Variants in SFMBT2 observed in about 807,000 individuals in gnomAD.
SFMBT2 encodes the protein Scm like with four mbt domains 2, also known as scm-like with four MBT domains protein 2.
A neutral mutation model predicts 110.1 loss-of-function variants in SFMBT2; 38 were observed. The observed-to-expected ratio is 0.35, with a 90% CI of 0.27 to 0.45. The LOEUF (loss-of-function observed/expected upper bound fraction) is 0.45. Among genes scored for constraint, SFMBT2 ranks in the 20% least tolerant of loss-of-function variants. The pLI is 1.00. For synonymous variants in SFMBT2, 425 were observed against 425.4 expected, an observed-to-expected ratio of 1.00 and a Z score of 0.01; for missense variants, 1,011 against 1,094.9, an observed-to-expected ratio of 0.92 and a Z score of 1.08.
chr10:7,381,274 T>C (rs1845414612), intron 2 of SFMBT2, among the ~76,000 whole-genome samples: 1 of 152,196 alleles, frequency 6.6e-6, no homozygotes, highest in Non-Finnish European at 1.5e-5. Flanking sequence ...AGATGCTGTA[T>C]CATCGGCATC....
rs1418228475 is a variant in SFMBT2 at position 7,408,591 on chromosome 10, C to G, written c.-52+2270G>C. On this transcript the variant is annotated intron_variant, in intron 1 of 20. Coordinates refer to ENST00000397167, the MANE Select transcript of SFMBT2 (RefSeq NM_001387889.1). This position sits in a 1 kb window ranked among gnomAD's most constrained non-coding sequence, Gnocchi z 5.7. The stretch of plus-strand genomic sequence containing the variant: ...AGCCCCGGGGACCGTGCGCGGCCTC[C>G]GTGTGGCCCCCGCCCACGAGGTCCC... The G allele has an allele frequency of 6.6e-6, 1 of 152,148 alleles. No homozygotes were observed. 9.4% of individuals were successfully genotyped at this position (152,148 alleles called of 1,614,324 possible).
intron 9 of SFMBT2, among the ~76,000 whole-genome samples, chr10:7,238,105 A>C (rs929723658): frequency 3.9e-5 from 6 of 152,172 alleles, no homozygotes; most frequent in Non-Finnish European, 8.8e-5. Context: ...AAGGCACTGG[A>C]CAGTCTGAGC....
At chr10:7,275,933 G>A (rs1007659297) in intron 7 of SFMBT2, among the ~76,000 whole-genome samples, 2 of 152,212 alleles carry the variant, frequency 1.3e-5, no homozygotes, top group African/African-American at 2.4e-5. Flanking sequence ...CCACCCCAGG[G>A]CTGGGAAGCA....
chr10:7,257,332 C>T (rs941217297), intron 7 of SFMBT2, among the ~76,000 whole-genome samples: 24 of 152,232 alleles, frequency 1.6e-4, no homozygotes, highest in African/African-American at 5.8e-4. Flanking sequence ...GGTCACCCAC[C>T]ACTTTCAACA....
chr10:7,172,759 G>A lies in SFMBT2; in HGVS notation c.1985-98C>T. On this transcript the variant is annotated intron_variant, in intron 17 of 20. Transcript: ENST00000397167. The surrounding 1 kb of genome is among the most constrained non-coding windows in gnomAD (Gnocchi z 4.6). ...AAGAAGGGAAACGATTCTTTCATCT[G>A]ATAGTTCATTTGTGCCTTACGAAGT... is the stretch of plus-strand genomic sequence containing the variant. The A allele has an allele frequency of 7.2e-7, 1 of 1,386,992 alleles. No homozygotes were observed. Among genetic ancestry groups the A allele is most frequent in the Non-Finnish European group, 9.8e-7 (1 of 1,024,216 alleles). The allele number at this position is 1,386,992 out of a possible 1,614,324, so 85.9% of individuals were successfully genotyped here.
chr10:7,324,961 CTTTTT>C (rs869253757), intron 4 of SFMBT2, among the ~76,000 whole-genome samples: 1 of 92,140 alleles, frequency 1.1e-5, no homozygotes, highest in Middle Eastern at 0.01. Context: ...AGAGGCCCCA[CTTTTT>C]TTTTTTTTTT....
chr10:7,390,874 A>G (rs922484830), intron 1 of SFMBT2, among the ~76,000 whole-genome samples: 7 of 152,166 alleles, frequency 4.6e-5, no homozygotes, highest in African/African-American at 1.7e-4. Flanking sequence ...CTGAAGCAGA[A>G]GGATCACCTG....
chr10:7,340,166 C>A (rs564590808), intron 4 of SFMBT2, among the ~76,000 whole-genome samples: 8 of 152,220 alleles, frequency 5.3e-5, no homozygotes, highest in South Asian at 4.1e-4. Context: ...TTCTTACCAA[C>A]AAGTAAGCTA....
Position 7,342,396 on chromosome 10 carries a change from C to CTTTTTTTTTTTT in SFMBT2, c.436+25241_436+25252dup, listed in dbSNP as rs71382101. 4.9e-4 allele frequency among the ~76,000 whole-genome samples: 34 copies of CTTTTTTTTTTTT among 69,662 alleles called. 5 individuals are homozygous for CTTTTTTTTTTTT. The highest frequency in any genetic ancestry group is 7.2e-4 in the Non-Finnish European group (26 of 36,204). 45.7% of individuals were successfully genotyped at this position (69,662 alleles called of 152,430 possible). On this transcript the variant is annotated intron_variant, in intron 4 of 20. Transcript: ENST00000397167. ...ATTTAGGAATTGCACTGGAGTGAGT[C>CTTTTTTTTTTTT]TTTTTTTTTTTTTTTTTTTTTTTTT...
intron 7 of SFMBT2, among the ~76,000 whole-genome samples, chr10:7,267,437 AGTGCAGTT>A (rs1288290589): frequency 5.9e-5 from 9 of 152,168 alleles, no homozygotes. Flanking sequence ...TTTGGACTCA[AGTGCAGTT>A]GTCTTTCTGT....
intron 4 of SFMBT2, among the ~76,000 whole-genome samples, chr10:7,314,536 T>C (rs1319895657): frequency 6.6e-6 from 1 of 152,222 alleles, no homozygotes; most frequent in Non-Finnish European, 1.5e-5. Flanking sequence ...TGGTGTAAGA[T>C]GTTGGGTTAT....
intron 4 of SFMBT2, among the ~76,000 whole-genome samples, chr10:7,312,097 G>A (rs1253435066): frequency 2.0e-5 from 3 of 152,214 alleles, no homozygotes; most frequent in Non-Finnish European, 2.9e-5. Context: ...GGAGGGAGGA[G>A]GGATAGCATT....
rs1332920963 is a variant in SFMBT2, at chr10:7,176,042, C to G, written c.1932G>C (p.Leu644=). The change falls in exon 17 of 21, where the codon CTG becomes CTC. Residue 644 remains leucine, a synonymous_variant. Coordinates refer to ENST00000397167, the MANE Select transcript of SFMBT2 (RefSeq NM_001387889.1). ...ECCPNLFSPV[L]ISENCPENCS... The stretch of plus-strand genomic sequence containing the variant: ...AGTTCTCTGGGCAGTTTTCAGATAT[C>G]AGCACAGGACTAAACAAATTTGGAC... The G allele has an allele frequency of 6.2e-7, 1 of 1,614,150 alleles. No individual in the cohort carries two copies. The highest frequency in any genetic ancestry group is 8.5e-7 in the Non-Finnish European group (1 of 1,180,026).
At position 7,367,176 on chromosome 10, in the gene SFMBT2, A is replaced by C. The variant is rs924969295; in HGVS notation, c.436+473T>G. Among the ~76,000 whole-genome samples, 1 of 152,136 alleles carries C rather than the reference A, an allele frequency of 6.6e-6. No homozygotes were observed. The highest frequency in any genetic ancestry group is 2.4e-5 in the African/African-American group (1 of 41,434). On this transcript the variant is annotated intron_variant, in intron 4 of 20. Transcript: ENST00000397167. This position sits in a 1 kb window ranked among gnomAD's most constrained non-coding sequence, Gnocchi z 6.2. ...CCAACAAGACAGATGAAAAGTTATT[A>C]GAGAAGCCTGCTTAAGACACTCTGT... is the stretch of plus-strand genomic sequence containing the variant.
At chr10:7,311,620 A>G (rs190039859) in intron 4 of SFMBT2, among the ~76,000 whole-genome samples, 1 of 152,350 alleles carries the variant, frequency 6.6e-6, no homozygotes, top group East Asian at 1.9e-4. Flanking sequence ...CCCTTCAGTT[A>G]AAGTCAATAT....
chr10:7,304,798 C>T (rs1269765852), intron 4 of SFMBT2, among the ~76,000 whole-genome samples: 1 of 152,148 alleles, frequency 6.6e-6, no homozygotes, highest in Non-Finnish European at 1.5e-5. Context: ...CAAACACCAC[C>T]GGGTACCAAA....
intron 4 of SFMBT2, among the ~76,000 whole-genome samples, chr10:7,306,301 C>A (rs1842697364): frequency 6.6e-6 from 1 of 152,154 alleles, no homozygotes; most frequent in Non-Finnish European, 1.5e-5. Flanking sequence ...GGCTCAGAAG[C>A]CAAGAGTGTT....
intron 4 of SFMBT2, among the ~76,000 whole-genome samples, chr10:7,349,471 G>T (rs558347331): frequency 2.6e-4 from 17 of 65,826 alleles, no homozygotes; most frequent in Non-Finnish European, 2.5e-4. Context: ...TTTTTTGCGG[G>T]GGGGAGACGG....
intron 11 of SFMBT2, chr10:7,206,200 A>G: frequency 1.0e-6 from 1 of 985,446 alleles, no homozygotes; most frequent in Non-Finnish European, 1.2e-6. Context: ...ACTCTGCCCT[A>G]AAAGTAAAAG....
Sources: gnomAD v4.1 joint callset for allele counts (sites outside exome capture counted in the v4.1 genomes callset) on GRCh38, gnomAD v4.1.1 for gene constraint, Gnocchi (gnomAD v3.1) non-coding constraint, MANE v1.5 for transcripts, NCBI Gene and HGNC (gene_info 2026-07-23, HGNC 2026-07-21) for gene names.